RASGEF1C: variants seen among roughly 807,000 people sequenced by gnomAD.
The protein encoded by RASGEF1C is ras-GEF domain-containing family member 1C.
RASGEF1C carries 27 observed loss-of-function variants against 58.1 expected under a neutral mutation model. That is an observed-to-expected ratio of 0.46 (90% CI 0.34 to 0.64). RASGEF1C has a LOEUF of 0.64. Among genes scored for constraint, RASGEF1C ranks in the 30% least tolerant of loss-of-function variants. The probability of loss-of-function intolerance (pLI) is 0.01; values close to 1 mark genes in which losing one functional copy is unlikely to be tolerated. For missense variants in RASGEF1C, 502 were observed against 605.1 expected, an observed-to-expected ratio of 0.83 and a Z score of 1.79; for synonymous variants, 243 against 246.3, an observed-to-expected ratio of 0.99 and a Z score of 0.13.
At chr5:180,148,151 GTAT>G (rs1187047435) in intron 1 of RASGEF1C, among the ~76,000 whole-genome samples, 1 of 152,036 alleles carries the variant, frequency 6.6e-6, no homozygotes, top group Non-Finnish European at 1.5e-5. Context: ...TCTGTTATTA[GTAT>G]GGCTGCTCCC....
intron 1 of RASGEF1C, among the ~76,000 whole-genome samples, chr5:180,184,898 G>A (rs1465416600): frequency 6.6e-6 from 1 of 152,166 alleles, no homozygotes; most frequent in East Asian, 1.9e-4. Flanking sequence ...CAGAATACAT[G>A]AAGCAAGAAC....
At chr5:180,146,134 C>T (rs898715254) in intron 1 of RASGEF1C, among the ~76,000 whole-genome samples, 2 of 152,106 alleles carry the variant, frequency 1.3e-5, no homozygotes, top group African/African-American at 2.4e-5. Flanking sequence ...AATCCAATAT[C>T]ATGAAGCTTT....
intron 4 of RASGEF1C, among the ~76,000 whole-genome samples, chr5:180,134,847 T>C (rs986818003): frequency 6.2e-5 from 7 of 113,234 alleles, no homozygotes; most frequent in East Asian, 5.6e-4. Flanking sequence ...CATTCACCCA[T>C]CCACCCACCC....
At chr5:180,208,761 G>A (rs1167406728) in intron 1 of RASGEF1C, among the ~76,000 whole-genome samples, 1 of 151,990 alleles carries the variant, frequency 6.6e-6, no homozygotes. Context: ...CTCGCGCCCA[G>A]CAGGGGCTGG....
In RASGEF1C at chr5:180,136,531, G is replaced by C; in HGVS notation, c.301-16C>G. 6.4e-7 allele frequency: 1 copy of C among 1,568,618 alleles called. No homozygotes were observed. Reference sequence around the variant, plus strand: ...GGACCCGGGCCTACGGGCAAGCGAGGGGCACCGCGCTCGTGAGGGGCGCCG... The same window carrying C: ...GGACCCGGGCCTACGGGCAAGCGAGCGGCACCGCGCTCGTGAGGGGCGCCG... On this transcript the variant is annotated splice_polypyrimidine_tract_variant and intron_variant, in intron 3 of 13. Transcript: ENST00000361132.
chr5:180,109,189 G>A (rs530693401), intron 12 of RASGEF1C, among the ~76,000 whole-genome samples: 6 of 152,152 alleles, frequency 3.9e-5, no homozygotes, highest in African/African-American at 1.4e-4. Context: ...AGGCGTGGTG[G>A]CTCACGCCTG....
chr5:180,191,655 C>G (rs1157829888), intron 1 of RASGEF1C, among the ~76,000 whole-genome samples: 1 of 152,240 alleles, frequency 6.6e-6, no homozygotes, highest in Admixed American at 6.5e-5. Context: ...CGCGCCCGGC[C>G]ACAGTGGCTT....
chr5:180,198,578 G>T lies in RASGEF1C; in HGVS notation c.-7+10450C>A, dbSNP rs1291831900. On this transcript the variant is annotated intron_variant, in intron 1 of 13. Transcript: ENST00000361132. The surrounding 1 kb of genome is among the most constrained non-coding windows in gnomAD (Gnocchi z 4.5). ...CCTCCCTCCTGCATCTTCACATGGG[G>T]GAAGGACAACAGCTCCCTCATACCT... Among the ~76,000 whole-genome samples, 1 of 152,162 alleles carries T rather than the reference G, an allele frequency of 6.6e-6. No individual in the cohort carries two copies. Among genetic ancestry groups the T allele is most frequent in the Non-Finnish European group, 1.5e-5 (1 of 68,034 alleles).
At chr5:180,103,227 A>G (rs537425498) in intron 12 of RASGEF1C, among the ~76,000 whole-genome samples, 2,108 of 152,216 alleles carry the variant, frequency 0.014, 29 homozygotes, top group Non-Finnish European at 0.018. Context: ...ACAGGTACCC[A>G]CCACCACGCC....
chr5:180,188,055 A>G (rs998406728), intron 1 of RASGEF1C, among the ~76,000 whole-genome samples: 1 of 152,246 alleles, frequency 6.6e-6, no homozygotes, highest in Admixed American at 6.5e-5. Context: ...GACTATCTTC[A>G]GTAGCCAAAA....
intron 1 of RASGEF1C, among the ~76,000 whole-genome samples, chr5:180,186,484 G>A (rs1268453194): frequency 6.6e-6 from 1 of 152,082 alleles, no homozygotes; most frequent in African/African-American, 2.4e-5. Flanking sequence ...AGAGGAGAAA[G>A]ATCTGCAGAC....
At chr5:180,175,942 C>T (rs1373013654) in intron 1 of RASGEF1C, among the ~76,000 whole-genome samples, 1 of 152,182 alleles carries the variant, frequency 6.6e-6, no homozygotes, top group Non-Finnish European at 1.5e-5. Flanking sequence ...GAGCGGAGAT[C>T]ACGCCACTGC....
Position 180,128,504 on chromosome 5 carries a change from TAGG to T in RASGEF1C, c.542_544del (p.Ser181del). ...GATGGAGGCTGGTGGCTTGGTCCTG[TAGG>T]AGATGGGCTTGTCGGCACCCACCAG... On this transcript the variant is annotated inframe_deletion, in exon 5 of 14. Transcript: ENST00000361132. 1 of 1,614,096 alleles carries T rather than the reference TAGG, an allele frequency of 6.2e-7. No individual in the cohort carries two copies. Among genetic ancestry groups the T allele is most frequent in the Non-Finnish European group, 8.5e-7 (1 of 1,180,014 alleles).
intron 1 of RASGEF1C, among the ~76,000 whole-genome samples, chr5:180,187,645 A>G (rs4700720): frequency 0.83 from 126,147 of 151,816 alleles, 52,568 homozygotes; most frequent in Admixed American, 0.88. Flanking sequence ...CCTATAACTT[A>G]AAGAAAATAC....
At chr5:180,120,762 C>T (rs1236393053) in intron 7 of RASGEF1C, among the ~76,000 whole-genome samples, 3 of 152,218 alleles carry the variant, frequency 2.0e-5, no homozygotes, top group Admixed American at 2.0e-4. Flanking sequence ...CAGGCCGGCA[C>T]AGATGGAGAG....
At chr5:180,113,144 T>C (rs111161621) in intron 11 of RASGEF1C, among the ~76,000 whole-genome samples, 28,246 of 36,898 alleles carry the variant, frequency 0.77, 11,284 homozygotes, top group South Asian at 0.91. Context: ...CGAGGATGGA[T>C]GGAGGGATCT....
intron 4 of RASGEF1C, among the ~76,000 whole-genome samples, chr5:180,134,637 C>G (rs971562236): frequency 1.3e-5 from 2 of 150,978 alleles, no homozygotes; most frequent in Admixed American, 1.3e-4. Context: ...ACTCCTCTCC[C>G]CTTCCTTCCT....
At chr5:180,130,841 T>C (rs549399987) in intron 4 of RASGEF1C, among the ~76,000 whole-genome samples, 104 of 152,196 alleles carry the variant, frequency 6.8e-4, no homozygotes, top group Non-Finnish European at 1.4e-3. Flanking sequence ...TGGGCGGCGG[T>C]CCGTCATATG....
intron 1 of RASGEF1C, among the ~76,000 whole-genome samples, chr5:180,191,766 T>C (rs1206600848): frequency 6.6e-6 from 1 of 152,198 alleles, no homozygotes; most frequent in East Asian, 1.9e-4. Flanking sequence ...GTTAGCACAA[T>C]GTAATGATGT....
Sources: gnomAD v4.1 joint callset for allele counts (sites outside exome capture counted in the v4.1 genomes callset) on GRCh38, gnomAD v4.1.1 for gene constraint, Gnocchi (gnomAD v3.1) non-coding constraint, MANE v1.5 for transcripts, NCBI Gene and HGNC (gene_info 2026-07-23, HGNC 2026-07-21) for gene names.